CACNB4: variants seen among roughly 807,000 people sequenced by gnomAD.
CACNB4 encodes the protein calcium voltage-gated channel auxiliary subunit beta 4, also known as voltage-dependent L-type calcium channel subunit beta-4.
In CACNB4, 32 loss-of-function variants were observed where a neutral mutation model predicts 71.2. The ratio of observed to expected loss-of-function variants is 0.45; its 90% confidence interval spans 0.34 to 0.60. The LOEUF (loss-of-function observed/expected upper bound fraction) is 0.60. Ranked by LOEUF, CACNB4 falls within the 20% of genes least tolerant of loss-of-function variation. The probability of loss-of-function intolerance (pLI) is 0.01; values close to 1 mark genes in which losing one functional copy is unlikely to be tolerated. For missense variants in CACNB4, 464 were observed against 647.9 expected, an observed-to-expected ratio of 0.72 and a Z score of 3.08; for synonymous variants, 231 against 236.9, an observed-to-expected ratio of 0.97 and a Z score of 0.23.
At chr2:151,878,909 T>C (rs1249443782) in intron 4 of CACNB4, among the ~76,000 whole-genome samples, 1 of 151,828 alleles carries the variant, frequency 6.6e-6, no homozygotes, top group African/African-American at 2.4e-5. Context: ...AGAACCTGTC[T>C]CCAAAAAAAT....
chr2:152,085,643 C>T (rs541670431), intron 2 of CACNB4, among the ~76,000 whole-genome samples: 2 of 152,086 alleles, frequency 1.3e-5, no homozygotes, highest in Non-Finnish European at 2.9e-5. Context: ...CCCAAACCCA[C>T]ACTTGGGTGT....
intron 2 of CACNB4, among the ~76,000 whole-genome samples, chr2:152,052,072 G>A (rs555097535): frequency 4.9e-4 from 75 of 152,132 alleles, no homozygotes; most frequent in Non-Finnish European, 9.3e-4. Context: ...CGCTTATGGC[G>A]GGGTTACATC....
chr2:152,007,890 G>T (rs1682822495), intron 2 of CACNB4, among the ~76,000 whole-genome samples: 1 of 151,856 alleles, frequency 6.6e-6, no homozygotes, highest in African/African-American at 2.4e-5. Context: ...TGCTGCTTCA[G>T]TCTCCTGAGC....
At chr2:151,990,039 T>C (rs1259709223) in intron 2 of CACNB4, among the ~76,000 whole-genome samples, 3 of 152,212 alleles carry the variant, frequency 2.0e-5, no homozygotes, top group African/African-American at 7.2e-5. Context: ...TGCATCCAAC[T>C]GTGCCCACCC....
intron 2 of CACNB4, among the ~76,000 whole-genome samples, chr2:152,030,464 T>C (rs1560146803): frequency 1.3e-5 from 2 of 152,384 alleles, no homozygotes; most frequent in South Asian, 4.1e-4. Flanking sequence ...TATGTATTTA[T>C]TTATTTTTCT....
chr2:151,856,704 A>C (rs1034959236), intron 10 of CACNB4: 1 of 151,950 alleles, frequency 6.6e-6, no homozygotes, highest in African/African-American at 2.4e-5. Context: ...AAAACTATCT[A>C]ACTTAAATTA....
intron 12 of CACNB4, among the ~76,000 whole-genome samples, chr2:151,842,832 T>A (rs528925404): frequency 6.6e-6 from 1 of 152,284 alleles, no homozygotes; most frequent in South Asian, 2.1e-4. Flanking sequence ...AATGACCACA[T>A]CAATGGAATA....
chr2:151,876,091 G>A (rs1432162662), intron 5 of CACNB4, among the ~76,000 whole-genome samples: 1 of 152,034 alleles, frequency 6.6e-6, no homozygotes, highest in Non-Finnish European at 1.5e-5. Context: ...CTCTGTAAGC[G>A]AACCAAGAGG....
At chr2:151,880,559 A>G (rs1407723672) in intron 4 of CACNB4, 2 of 507,318 alleles carry the variant, frequency 3.9e-6, no homozygotes, top group African/African-American at 2.0e-5. Context: ...GGTCTGTCAG[A>G]AATCTATGCT....
chr2:151,911,685 C>T (rs1578756876), intron 2 of CACNB4, among the ~76,000 whole-genome samples: 1 of 152,146 alleles, frequency 6.6e-6, no homozygotes, highest in Admixed American at 6.5e-5. Context: ...ATAATGCTGG[C>T]TTCATAAAAT....
chr2:152,000,089 C>G (rs1196769240), intron 2 of CACNB4, among the ~76,000 whole-genome samples: 2 of 152,152 alleles, frequency 1.3e-5, no homozygotes, highest in Admixed American at 6.5e-5. Context: ...CCAGTCATAC[C>G]TTTTATTGAT....
At chr2:151,849,411 T>G (rs1405638088) in intron 12 of CACNB4, among the ~76,000 whole-genome samples, 3 of 152,068 alleles carry the variant, frequency 2.0e-5, no homozygotes, top group Non-Finnish European at 4.4e-5. Flanking sequence ...CCAGCTAATT[T>G]TTAAAAATTT....
chr2:151,974,684 A>C (rs145088857), intron 2 of CACNB4, among the ~76,000 whole-genome samples: 72 of 152,302 alleles, frequency 4.7e-4, no homozygotes, highest in African/African-American at 1.6e-3. Flanking sequence ...TCTTTTCCCC[A>C]AAACCCAAAT....
intron 2 of CACNB4, among the ~76,000 whole-genome samples, chr2:152,063,654 C>A (rs1015292997): frequency 6.6e-6 from 1 of 152,144 alleles, no homozygotes; most frequent in Non-Finnish European, 1.5e-5. Flanking sequence ...TTAACACTTG[C>A]AAAATTTAGA....
At chr2:152,087,211 C>T (rs1687708583) in intron 2 of CACNB4, among the ~76,000 whole-genome samples, 2 of 151,586 alleles carry the variant, frequency 1.3e-5, no homozygotes, top group African/African-American at 4.8e-5. Flanking sequence ...GGCCTGATCA[C>T]CTAGGAATTC....
intron 2 of CACNB4, among the ~76,000 whole-genome samples, chr2:151,959,203 G>A (rs1160596385): frequency 6.6e-6 from 1 of 152,200 alleles, no homozygotes; most frequent in Non-Finnish European, 1.5e-5. Flanking sequence ...AGAGCCTGCT[G>A]AATGTCCTCA....
rs1157394547 is a variant in CACNB4 at position 151,883,322 on chromosome 2, A to T, written c.196T>A (p.Leu66Met). The change falls in exon 3 of 14, where the codon TTG becomes ATG. Residue 66 changes from leucine (L) to methionine (M), a missense_variant. Physicochemically the swap from Leu to Met is conservative, Grantham distance 15. Coordinates refer to ENST00000539935, the MANE Select transcript of CACNB4 (RefSeq NM_000726.5). ...CGAATTGCTTCCCGGTCCTCTTCCA[A>T]AGAGACATCGGAGTCAGACGGCCTG... ...TSRPSDSDVS[L>M]EEDREAIRQE... The T allele has an allele frequency of 6.2e-7, 1 of 1,613,752 alleles. No individual in the cohort carries two copies. Among genetic ancestry groups the T allele is most frequent in the African/African-American group, 1.3e-5 (1 of 74,904 alleles).
rs35313966 is a variant in CACNB4, at chr2:151,983,675, T to TCTCACACACACACACA, written c.148-100306_148-100305insTGTGTGTGTGTGTGAG. 2.0e-3 allele frequency among the ~76,000 whole-genome samples: 280 copies of TCTCACACACACACACA among 141,520 alleles called. 2 individuals carry two copies. Among genetic ancestry groups the TCTCACACACACACACA allele is most frequent in the East Asian group, 0.018 (67 of 3,728 alleles). The allele number at this position is 141,520 out of a possible 152,430, so 92.8% of individuals were successfully genotyped here. A position where few individuals can be genotyped will look rare whatever the true frequency, so the allele number is the denominator to read the frequency against. ...AGTATAAAAAAGCCATAAACTTTGG[T>TCTCACACACACACACA]CACACACACACACACACACACACAC... On this transcript the variant is annotated intron_variant, in intron 2 of 13. Coordinates refer to ENST00000539935, the MANE Select transcript of CACNB4 (RefSeq NM_000726.5).
intron 2 of CACNB4, among the ~76,000 whole-genome samples, chr2:152,022,227 C>T (rs527659704): frequency 6.6e-6 from 1 of 152,292 alleles, no homozygotes; most frequent in African/African-American, 2.4e-5. Context: ...CTTAATTTCA[C>T]TCCTACAAAT....
Sources: allele counts gnomAD v4.1 joint callset (sites outside exome capture counted in the v4.1 genomes callset), GRCh38; gene constraint gnomAD v4.1.1; transcripts MANE v1.5; gene names NCBI Gene and HGNC (gene_info 2026-07-23, HGNC 2026-07-21).